The following LRRN3 variants were observed in gnomAD, a reference collection of about 807,000 sequenced individuals.
LRRN3 encodes the protein leucine rich repeat neuronal 3, also known as leucine-rich repeat neuronal protein 3.
In LRRN3, 15 loss-of-function variants were observed where a neutral mutation model predicts 40.1. That is an observed-to-expected ratio of 0.37 (90% CI 0.25 to 0.58). LRRN3 has a LOEUF of 0.58. Ranked by LOEUF, LRRN3 falls within the 20% of genes least tolerant of loss-of-function variation. LRRN3 has a pLI of 0.72. For missense variants in LRRN3, 746 were observed against 837.7 expected (o/e 0.89, Z 1.35); for synonymous variants, 308 against 297.2 (o/e 1.04, Z -0.37).
At chr7:111,106,031 T>C (rs917271719) in intron 2 of LRRN3, among the ~76,000 whole-genome samples, 3 of 151,982 alleles carry the variant, frequency 2.0e-5, no homozygotes. Flanking sequence ...CAGTTAATTT[T>C]CTTAGAAACA....
chr7:111,096,201 T>G (rs572764062), intron 1 of LRRN3, among the ~76,000 whole-genome samples: 1 of 152,076 alleles, frequency 6.6e-6, no homozygotes, highest in Non-Finnish European at 1.5e-5. Context: ...GTAGATATGA[T>G]GATGATTAAC....
rs1181303414 is a variant in LRRN3 at position 111,098,829 on chromosome 7, G to A, written c.-440-1052G>A. Among the ~76,000 whole-genome samples the A allele has an allele frequency of 2.0e-5, 3 of 151,740 alleles. No individual in the cohort carries two copies. The Admixed American group carries it at 2.0e-4, about 10-fold the overall frequency. On this transcript the variant is annotated intron_variant, in intron 1 of 2. Coordinates refer to ENST00000308478, the MANE Select transcript of LRRN3 (RefSeq NM_001099658.2). Reference sequence around the variant, plus strand: ...CTCGAAAGAACAAGCCTTTGTGCATGAGGCAACACTGCCTCCCGTTGGTAC... The same window carrying A: ...CTCGAAAGAACAAGCCTTTGTGCATAAGGCAACACTGCCTCCCGTTGGTAC...
chr7:111,110,612 A>G (rs987743149), intron 2 of LRRN3, among the ~76,000 whole-genome samples: 4 of 152,318 alleles, frequency 2.6e-5, no homozygotes, highest in South Asian at 4.1e-4. Flanking sequence ...ATATAAAAAC[A>G]TAAGTATAAA....
At chr7:111,106,243 C>T (rs1475932915) in intron 2 of LRRN3, among the ~76,000 whole-genome samples, 3 of 151,912 alleles carry the variant, frequency 2.0e-5, no homozygotes, top group Non-Finnish European at 4.4e-5. Flanking sequence ...GTACCTGGAA[C>T]ACTCAAAGCC....
rs752827777 is a variant in LRRN3 at position 111,124,418 on chromosome 7, A to C, written c.1646A>C (p.Lys549Thr). Residue 549 changes from lysine (K) to threonine (T), a missense_variant, in exon 3 of 3, where the codon AAA (lysine) becomes ACA (threonine). Coordinates refer to ENST00000308478, the MANE Select transcript of LRRN3 (RefSeq NM_001099658.2). ...VSWKASSKIL[K>T]SSVKWTAFVK... ...TGGAAAGCAAGTTCTAAAATTCTCAAATCTAGTGTTAAATGGACAGCCTTT... is the reference window on the plus strand; with the variant it reads ...TGGAAAGCAAGTTCTAAAATTCTCACATCTAGTGTTAAATGGACAGCCTTT... The C allele has an allele frequency of 1.1e-5, 17 of 1,613,788 alleles. No individual in the cohort carries two copies. Among genetic ancestry groups the C allele is most frequent in the Non-Finnish European group, 1.4e-5 (17 of 1,179,942 alleles).
chr7:111,110,455 T>C (rs1193726795), intron 2 of LRRN3, among the ~76,000 whole-genome samples: 1 of 152,174 alleles, frequency 6.6e-6, no homozygotes, highest in African/African-American at 2.4e-5. Flanking sequence ...TGATCACAAA[T>C]ATAGATTATA....
chr7:111,106,216 C>T (rs1798532815), intron 2 of LRRN3, among the ~76,000 whole-genome samples: 1 of 151,868 alleles, frequency 6.6e-6, no homozygotes, highest in African/African-American at 2.4e-5. Context: ...CAATTGGGAA[C>T]TAAGAGAAGA....
chr7:111,119,275 T>C (rs1800287341), intron 2 of LRRN3, among the ~76,000 whole-genome samples: 1 of 152,204 alleles, frequency 6.6e-6, no homozygotes, highest in South Asian at 2.1e-4. Flanking sequence ...GATTTCTATT[T>C]TCATTTTATT....
chr7:111,118,519 T>C (rs539193136), intron 2 of LRRN3, among the ~76,000 whole-genome samples: 1 of 152,222 alleles, frequency 6.6e-6, no homozygotes, highest in South Asian at 2.1e-4. Flanking sequence ...ACCATTTATT[T>C]GTTGTGTGGT....
chr7:111,109,910 C>T (rs867232453), intron 2 of LRRN3, among the ~76,000 whole-genome samples: 5 of 152,014 alleles, frequency 3.3e-5, no homozygotes, highest in African/African-American at 4.8e-5. Context: ...CCAAGGTGGG[C>T]GGATCACAAG....
At chr7:111,096,271 G>C (rs1797387380) in intron 1 of LRRN3, among the ~76,000 whole-genome samples, 1 of 151,788 alleles carries the variant, frequency 6.6e-6, no homozygotes, top group African/African-American at 2.4e-5. Flanking sequence ...ATGTTGAGGT[G>C]CAAGGGTCTC....
intron 2 of LRRN3, among the ~76,000 whole-genome samples, chr7:111,113,885 T>C (rs1014153188): frequency 6.6e-6 from 1 of 152,132 alleles, no homozygotes; most frequent in Non-Finnish European, 1.5e-5. Flanking sequence ...AACTAAATCA[T>C]AAGAATGAGC....
intron 2 of LRRN3, among the ~76,000 whole-genome samples, chr7:111,113,100 A>G (rs1448139654): frequency 6.6e-6 from 1 of 152,296 alleles, no homozygotes; most frequent in East Asian, 1.9e-4. Context: ...GTTCCTTCAG[A>G]GTAATGTTCC....
intron 2 of LRRN3, among the ~76,000 whole-genome samples, chr7:111,103,327 T>C (rs1236785282): frequency 2.0e-5 from 3 of 151,596 alleles, no homozygotes; most frequent in African/African-American, 4.8e-5. Flanking sequence ...CAGACCAATA[T>C]TGGATTTTTT....
At chr7:111,094,092 A>G (rs1220957783) in intron 1 of LRRN3, among the ~76,000 whole-genome samples, 6 of 151,908 alleles carry the variant, frequency 3.9e-5, no homozygotes, top group Non-Finnish European at 8.8e-5. Context: ...TTTTTGTAAC[A>G]TCTTTTGCTT....
At chr7:111,121,418 T>TG (rs1188022801) in intron 2 of LRRN3, among the ~76,000 whole-genome samples, 4 of 152,178 alleles carry the variant, frequency 2.6e-5, no homozygotes. Context: ...GTTTTAGACA[T>TG]GGATATGAAC....
chr7:111,112,374 C>T (rs1349924014), intron 2 of LRRN3, among the ~76,000 whole-genome samples: 1 of 152,190 alleles, frequency 6.6e-6, no homozygotes, highest in Non-Finnish European at 1.5e-5. Flanking sequence ...CTCTGTCTGT[C>T]ACTTCGTACT....
At chr7:111,094,148 A>G (rs1797158913) in intron 1 of LRRN3, among the ~76,000 whole-genome samples, 1 of 152,108 alleles carries the variant, frequency 6.6e-6, no homozygotes, top group African/African-American at 2.4e-5. Context: ...CCCGAATCTG[A>G]ATTTTTTTGG....
chr7:111,123,189 G>A lies in LRRN3; in HGVS notation c.417G>A (p.Leu139=). ...TELPEKCLSE[L]SNLQELYINH... Reference sequence around the variant, plus strand: ...TGCCTGAAAAATGTCTGTCCGAACTGAGCAACTTACAAGAACTCTATATTA... The same window carrying A: ...TGCCTGAAAAATGTCTGTCCGAACTAAGCAACTTACAAGAACTCTATATTA... Residue 139 remains leucine (L), a synonymous_variant, in exon 3 of 3, where the codon CTG becomes CTA. Coordinates refer to ENST00000308478, the MANE Select transcript of LRRN3 (RefSeq NM_001099658.2). This position sits in a 1 kb window ranked among gnomAD's most constrained non-coding sequence, Gnocchi z 6.4. 6.2e-7 allele frequency: 1 copy of A among 1,613,924 alleles called. No homozygotes were observed. The highest frequency in any genetic ancestry group is 8.5e-7 in the Non-Finnish European group (1 of 1,179,968).
Sources: gnomAD v4.1 joint callset for allele counts (sites outside exome capture counted in the v4.1 genomes callset) on GRCh38, gnomAD v4.1.1 for gene constraint, Gnocchi (gnomAD v3.1) non-coding constraint, MANE v1.5 for transcripts, NCBI Gene and HGNC (gene_info 2026-07-23, HGNC 2026-07-21) for gene names.